Variants in ANKHD1 observed in about 807,000 individuals in gnomAD.
ANKHD1 encodes the protein ankyrin repeat and KH domain-containing protein 1.
Under a neutral mutation model 230.5 loss-of-function variants are expected in ANKHD1, and 31 were observed. The ratio of observed to expected loss-of-function variants is 0.13; its 90% confidence interval spans 0.10 to 0.18. The LOEUF is 0.18. ANKHD1 is among the 10% of genes least tolerant of loss of function. The pLI is 1.00. For missense variants in ANKHD1, 2,256 were observed against 3,071.3 expected, an observed-to-expected ratio of 0.73 and a Z score of 6.27; for synonymous variants, 1,074 against 1,117.6, an observed-to-expected ratio of 0.96 and a Z score of 0.78.
intron 3 of ANKHD1, 86 bp from the exon 4 acceptor site, chr5:140,440,033 G>A (rs1216936847): frequency 7.4e-7 from 1 of 1,352,528 alleles, no homozygotes; most frequent in African/African-American, 1.5e-5. Flanking sequence ...ATTTTTCTTT[G>A]TGTGACTATT....
At chr5:140,497,485 TA>T (rs1178025443) in intron 15 of ANKHD1, among the ~76,000 whole-genome samples, 1 of 152,230 alleles carries the variant, frequency 6.6e-6, no homozygotes, top group Non-Finnish European at 1.5e-5. Context: ...TTTTTTGTCA[TA>T]TTGCAAAGGC....
intron 29 of ANKHD1, among the ~76,000 whole-genome samples, chr5:140,533,972 T>TAATA (rs1753959795): frequency 6.6e-6 from 1 of 152,252 alleles, no homozygotes; most frequent in South Asian, 2.1e-4. Flanking sequence ...GAAAGCACAG[T>TAATA]AATAAATTGC....
In ANKHD1 at chr5:140,527,905, T is replaced by C. The variant is rs1753673650; in HGVS notation, c.5120T>C (p.Val1707Ala). The C allele has an allele frequency of 6.2e-7, 1 of 1,613,778 alleles. No homozygotes were observed. The stretch of plus-strand genomic sequence containing the variant: ...AAATTGTCTGTTCCAGCCTCAGTGG[T>C]GTCGAGGATAATGGGAAGAGGAGGA... ...SKKLSVPASV[V>A]SRIMGRGGCN... Residue 1707 changes from valine to alanine, a missense_variant, in exon 28 of 34, where the codon GTG (valine) becomes GCG (alanine). Val to Ala is a moderately conservative substitution (Grantham distance 64). Transcript: ENST00000360839. The surrounding 1 kb of genome is among the most constrained non-coding windows in gnomAD (Gnocchi z 4.5).
intron 17 of ANKHD1, 96 bp from the exon 18 acceptor site, chr5:140,505,628 G>T: frequency 6.8e-7 from 1 of 1,474,466 alleles, no homozygotes; most frequent in African/African-American, 1.4e-5. Flanking sequence ...TGCCCTGAAG[G>T]ATTTATTTTG....
At chr5:140,447,841 C>A (rs1216462624) in intron 6 of ANKHD1, among the ~76,000 whole-genome samples, 1 of 152,198 alleles carries the variant, frequency 6.6e-6, no homozygotes, top group Non-Finnish European at 1.5e-5. Flanking sequence ...TTAGTAAGCT[C>A]CCTTTAAAGA....
chr5:140,429,092 T>TC (rs1451949487), intron 1 of ANKHD1, among the ~76,000 whole-genome samples: 1 of 136,090 alleles, frequency 7.3e-6, no homozygotes, highest in African/African-American at 2.7e-5. Flanking sequence ...GGCCTAGAAT[T>TC]TTTTTTTTTT....
chr5:140,432,965 A>G (rs1773164266), intron 1 of ANKHD1, among the ~76,000 whole-genome samples: 1 of 151,400 alleles, frequency 6.6e-6, no homozygotes, highest in African/African-American at 2.4e-5. Context: ...TGGCTTCCCA[A>G]AGTGCTGGGT....
chr5:140,515,834 A>C (rs369815641), intron 24 of ANKHD1, among the ~76,000 whole-genome samples: 5 of 152,302 alleles, frequency 3.3e-5, no homozygotes, highest in African/African-American at 9.6e-5. Flanking sequence ...GATAAAACCA[A>C]AAAGATGGGG....
intron 29 of ANKHD1, among the ~76,000 whole-genome samples, chr5:140,532,427 G>A (rs1406831298): frequency 1.3e-5 from 2 of 151,972 alleles, no homozygotes; most frequent in Non-Finnish European, 2.9e-5. Context: ...GCTTAGGGGT[G>A]CAGAATTTCT....
chr5:140,501,282 G>A (rs1043682759), intron 15 of ANKHD1, among the ~76,000 whole-genome samples: 3 of 151,402 alleles, frequency 2.0e-5, no homozygotes, highest in African/African-American at 7.3e-5. Context: ...GTTTCACTAT[G>A]TTGGCCAGGC....
At chr5:140,438,346 T>C (rs1773604916) in intron 2 of ANKHD1, 115 bp from the exon 3 acceptor site, 1 of 1,398,590 alleles carries the variant, frequency 7.2e-7, no homozygotes, top group Non-Finnish European at 9.4e-7. Context: ...ACCTATGGAT[T>C]CTATACCATT....
At chr5:140,511,957 C>T (rs1050517173) in intron 22 of ANKHD1, among the ~76,000 whole-genome samples, 5 of 152,056 alleles carry the variant, frequency 3.3e-5, no homozygotes, top group Non-Finnish European at 5.9e-5. Flanking sequence ...ATATGCTGGC[C>T]GGGTGCGGTG....
chr5:140,480,260 AC>A (rs1751213267), intron 10 of ANKHD1, among the ~76,000 whole-genome samples: 2 of 152,026 alleles, frequency 1.3e-5, no homozygotes, highest in Admixed American at 6.6e-5. Flanking sequence ...GTAGCTTTTC[AC>A]CCCTTTTATT....
At chr5:140,472,727 AG>A (rs1776574568) in intron 10 of ANKHD1, among the ~76,000 whole-genome samples, 1 of 152,178 alleles carries the variant, frequency 6.6e-6, no homozygotes, top group South Asian at 2.1e-4. Context: ...AAATTAGTTT[AG>A]CAAAACGTTT....
chr5:140,480,214 A>T (rs1751208987), intron 10 of ANKHD1, among the ~76,000 whole-genome samples: 1 of 152,054 alleles, frequency 6.6e-6, no homozygotes, highest in African/African-American at 2.4e-5. Flanking sequence ...AAACTAAGGG[A>T]ATGAATGTAT....
intron 22 of ANKHD1, among the ~76,000 whole-genome samples, chr5:140,511,917 A>C (rs1234694833): frequency 1.3e-5 from 2 of 152,182 alleles, no homozygotes; most frequent in Non-Finnish European, 2.9e-5. Flanking sequence ...TAGGAAGGGA[A>C]ACTATGCAAG....
At chr5:140,417,367 C>CT (rs1000842419) in intron 1 of ANKHD1, among the ~76,000 whole-genome samples, 25 of 149,004 alleles carry the variant, frequency 1.7e-4, no homozygotes, top group Admixed American at 2.7e-4. Flanking sequence ...GATACATTCT[C>CT]TTTTTTTTTG....
intron 1 of ANKHD1, among the ~76,000 whole-genome samples, chr5:140,427,618 C>G (rs1182813310): frequency 3.4e-5 from 5 of 146,024 alleles, no homozygotes; most frequent in South Asian, 4.3e-4. Flanking sequence ...CACCTCCCTC[C>G]CGGACGGGGC....
Position 140,485,300 on chromosome 5 carries a change from TGATCCCAGCACTTTAGA to T in ANKHD1, c.1998+53_1998+69del. 1.3e-6 allele frequency: 2 copies of T among 1,572,640 alleles called. No individual in the cohort carries two copies. The highest frequency in any genetic ancestry group is 1.7e-6 in the Non-Finnish European group (2 of 1,154,250). On this transcript the variant is annotated intron_variant, in intron 12 of 33. Transcript: ENST00000360839. The surrounding 1 kb of genome is among the most constrained non-coding windows in gnomAD (Gnocchi z 4.8). ...GGCTGTGTGCGGTGGCTCATGTCTATGATCCCAGCACTTTAGAAAGCTGAGGCGGGTGGATCACTTGA... is the reference window on the plus strand; with the variant it reads ...GGCTGTGTGCGGTGGCTCATGTCTATAAGCTGAGGCGGGTGGATCACTTGA...
Sources: gnomAD v4.1 joint callset for allele counts (sites outside exome capture counted in the v4.1 genomes callset) on GRCh38, gnomAD v4.1.1 for gene constraint, Gnocchi (gnomAD v3.1) non-coding constraint, MANE v1.5 for transcripts, NCBI Gene and HGNC (gene_info 2026-07-23, HGNC 2026-07-21) for gene names.